The following EXOC4 variants were observed in gnomAD, a reference collection of about 807,000 sequenced individuals.
The protein encoded by EXOC4 is exocyst complex component 4.
Under a neutral mutation model 107.2 loss-of-function variants are expected in EXOC4, and 71 were observed. The ratio of observed to expected loss-of-function variants is 0.66; its 90% confidence interval spans 0.55 to 0.81. The LOEUF (loss-of-function observed/expected upper bound fraction) is 0.81, where lower values mean the gene tolerates loss of function less well. Among genes scored for constraint, EXOC4 ranks in the 30% least tolerant of loss-of-function variants. The probability of loss-of-function intolerance (pLI) is 0.00; values close to 1 mark genes in which losing one functional copy is unlikely to be tolerated. For synonymous variants in EXOC4, 456 were observed against 441.2 expected, an observed-to-expected ratio of 1.03 and a Z score of -0.42; for missense variants, 1,108 against 1,189.6, an observed-to-expected ratio of 0.93 and a Z score of 1.01.
chr7:133,333,801 A>C (rs1418124829), intron 5 of EXOC4, among the ~76,000 whole-genome samples: 1 of 152,198 alleles, frequency 6.6e-6, no homozygotes, highest in African/African-American at 2.4e-5. Flanking sequence ...TCTTTTCAAT[A>C]GTGAGAAACC....
chr7:133,579,849 G>T (rs1801213473), intron 9 of EXOC4, among the ~76,000 whole-genome samples: 1 of 152,076 alleles, frequency 6.6e-6, no homozygotes, highest in Non-Finnish European at 1.5e-5. Context: ...ACCACGCCCA[G>T]CTAATTTTTT....
intron 13 of EXOC4, among the ~76,000 whole-genome samples, chr7:133,920,884 T>G (rs1190074310): frequency 1.3e-5 from 2 of 152,142 alleles, no homozygotes; most frequent in African/African-American, 4.8e-5. Context: ...TCTGAGAAAG[T>G]GTTTATTTTT....
At chr7:133,884,263 G>C (rs965511436) in intron 11 of EXOC4, among the ~76,000 whole-genome samples, 1 of 152,102 alleles carries the variant, frequency 6.6e-6, no homozygotes, top group Non-Finnish European at 1.5e-5. Flanking sequence ...CAGTGGGGGC[G>C]GGCTGGGCAG....
intron 14 of EXOC4, among the ~76,000 whole-genome samples, chr7:133,943,303 G>T (rs1800474110): frequency 6.6e-6 from 1 of 152,108 alleles, no homozygotes; most frequent in Middle Eastern, 3.2e-3. Flanking sequence ...TCCAGCCTCA[G>T]ATCACATGTA....
intron 9 of EXOC4, among the ~76,000 whole-genome samples, chr7:133,557,392 G>T (rs935922202): frequency 6.6e-6 from 1 of 152,002 alleles, no homozygotes; most frequent in African/African-American, 2.4e-5. Flanking sequence ...GTTAAGTTGT[G>T]TATTGATTCT....
chr7:133,898,484 G>A (rs1313535226), intron 12 of EXOC4, among the ~76,000 whole-genome samples: 2 of 152,026 alleles, frequency 1.3e-5, no homozygotes, highest in African/African-American at 2.4e-5. Context: ...AGTGGCTCAC[G>A]CCTGTAATCT....
intron 14 of EXOC4, among the ~76,000 whole-genome samples, chr7:133,947,531 A>C (rs1800582110): frequency 6.6e-6 from 1 of 152,214 alleles, no homozygotes; most frequent in Non-Finnish European, 1.5e-5. Flanking sequence ...CTTCAAAACT[A>C]CAAAAACAAG....
intron 14 of EXOC4, among the ~76,000 whole-genome samples, chr7:133,965,211 T>C (rs1249077981): frequency 6.6e-6 from 1 of 152,254 alleles, no homozygotes; most frequent in Non-Finnish European, 1.5e-5. Context: ...TTAAGTTCTT[T>C]GTAGATTCTG....
intron 10 of EXOC4, among the ~76,000 whole-genome samples, chr7:133,723,629 A>G (rs1295438745): frequency 6.6e-6 from 1 of 152,106 alleles, no homozygotes; most frequent in Non-Finnish European, 1.5e-5. Context: ...AGCTGGGATT[A>G]CAGGCATATG....
chr7:133,701,128 A>G (rs921467637), intron 10 of EXOC4, among the ~76,000 whole-genome samples: 3 of 152,342 alleles, frequency 2.0e-5, no homozygotes, highest in South Asian at 4.1e-4. Flanking sequence ...AGTTAAAAAC[A>G]TCTATGAAGT....
At chr7:133,313,310 A>C (rs1794918349) in intron 4 of EXOC4, among the ~76,000 whole-genome samples, 3 of 151,930 alleles carry the variant, frequency 2.0e-5, no homozygotes, top group Admixed American at 2.0e-4. Context: ...AGATCTTAGA[A>C]CTATTGAGAA....
chr7:133,593,808 A>G (rs1801603782), intron 9 of EXOC4, among the ~76,000 whole-genome samples: 1 of 152,226 alleles, frequency 6.6e-6, no homozygotes, highest in African/African-American at 2.4e-5. Context: ...ATTCTTAAGA[A>G]TAATATGCAA....
chr7:133,542,525 G>A (rs568807118), intron 9 of EXOC4, among the ~76,000 whole-genome samples: 57 of 152,218 alleles, frequency 3.7e-4, no homozygotes, highest in African/African-American at 1.2e-3. Flanking sequence ...GAGAAAGTTA[G>A]GGTAATATTT....
chr7:133,724,558 G>A (rs1302776784), intron 10 of EXOC4, among the ~76,000 whole-genome samples: 1 of 151,996 alleles, frequency 6.6e-6, no homozygotes, highest in Non-Finnish European at 1.5e-5. Context: ...AAAAAATTTT[G>A]TTCTTTTGGA....
At chr7:134,068,635 T>G (rs1796220505), downstream of EXOC4, among the ~76,000 whole-genome samples, 1 of 152,162 alleles carries the variant, frequency 6.6e-6, no homozygotes, top group Non-Finnish European at 1.5e-5. Context: ...TCTATTACAT[T>G]ACTACTAATC....
intron 3 of EXOC4, among the ~76,000 whole-genome samples, chr7:133,301,633 C>T (rs1006483041): frequency 9.9e-5 from 15 of 152,146 alleles, no homozygotes; most frequent in Non-Finnish European, 2.2e-4. Flanking sequence ...TAAGCATTTT[C>T]GTTAGCTACC....
intron 10 of EXOC4, among the ~76,000 whole-genome samples, chr7:133,713,821 CTG>C (rs1794945300): frequency 6.6e-6 from 1 of 152,148 alleles, no homozygotes; most frequent in African/African-American, 2.4e-5. Context: ...TCTGCCGTGA[CTG>C]TAAGTTTTCT....
chr7:134,098,474 G>A, the EXOC4 span, among the ~76,000 whole-genome samples: 1 of 152,126 alleles, frequency 6.6e-6, no homozygotes, highest in South Asian at 2.1e-4. Context: ...ACTGCAAAAT[G>A]TGGCTGAGCA....
chr7:133,840,151 C>G (rs1797995810), intron 11 of EXOC4, among the ~76,000 whole-genome samples: 1 of 152,116 alleles, frequency 6.6e-6, no homozygotes, highest in Non-Finnish European at 1.5e-5. Flanking sequence ...AGTGGCATAC[C>G]TTATTGAGGG....
Sources: gnomAD v4.1 joint callset for allele counts (sites outside exome capture counted in the v4.1 genomes callset) on GRCh38, gnomAD v4.1.1 for gene constraint, MANE v1.5 for transcripts, NCBI Gene and HGNC (gene_info 2026-07-23, HGNC 2026-07-21) for gene names.